The following CACHD1 variants were observed in gnomAD, a reference collection of about 807,000 sequenced individuals.
CACHD1 encodes the protein VWFA and cache domain-containing protein 1.
In CACHD1, 71 loss-of-function variants were observed where a neutral mutation model predicts 138.7. The observed-to-expected ratio is 0.51, with a 90% CI of 0.42 to 0.62. The LOEUF is 0.62. CACHD1 is among the 20% of genes least tolerant of loss of function. CACHD1 has a pLI of 0.00. For missense variants in CACHD1, 1,389 were observed against 1,625.3 expected (o/e 0.85, Z 2.50); for synonymous variants, 578 against 591.5 (o/e 0.98, Z 0.33).
At chr1:64,518,975 C>T (rs1463797583) in intron 1 of CACHD1, among the ~76,000 whole-genome samples, 1 of 152,160 alleles carries the variant, frequency 6.6e-6, no homozygotes, top group Non-Finnish European at 1.5e-5. Context: ...CTTAGTGGTT[C>T]TATCAATATC....
At chr1:64,676,005 A>ATAT (rs1649977265) in intron 21 of CACHD1, 22 bp downstream of exon 21, 1 of 252,542 alleles carries the variant, frequency 4.0e-6, no homozygotes, top group Admixed American at 1.6e-4. Context: ...AATAATAATA[A>ATAT]TAATAATAAT....
chr1:64,476,236 G>A (rs549610944), intron 1 of CACHD1, among the ~76,000 whole-genome samples: 206 of 152,290 alleles, frequency 1.4e-3, no homozygotes, highest in African/African-American at 4.7e-3. Context: ...ACCTGAACAG[G>A]ACTCTGACTC....
Position 64,691,460 on chromosome 1 carries a change from A to G in CACHD1, c.3724A>G (p.Ser1242Gly), listed in dbSNP as rs1335530658. The G allele has an allele frequency of 6.2e-7, 1 of 1,614,052 alleles. No homozygotes were observed. Among genetic ancestry groups the G allele is most frequent in the East Asian group, 2.2e-5 (1 of 44,868 alleles). The change falls in exon 27 of 27, where the codon AGT becomes GGT. Residue 1242 changes from serine to glycine, a missense_variant. By Grantham distance (56) the Ser-to-Gly change is moderately conservative. This residue lies in a region of CACHD1 where 78 missense variants were observed against 76.9 expected (regional missense o/e 1.01). Coordinates refer to ENST00000651257, the MANE Select transcript of CACHD1 (RefSeq NM_020925.4). Reference protein sequence around the residue: ...DTPPQTAALLSHKFHHYRSHH... With the variant: ...DTPPQTAALLGHKFHHYRSHH... ...CCCCCCTCAGACTGCTGCCCTACTA[A>G]GTCACAAGTTCCACCACTACCGGTC...
Position 64,641,886 on chromosome 1 carries a change from A to C in CACHD1, c.1073A>C (p.Lys358Thr), listed in dbSNP as rs1648728189. Reference protein sequence around the residue: ...ITSKDSSEEDKKATLQVINEE... With the variant: ...ITSKDSSEEDTKATLQVINEE... ...TCAAAGGACTCTTCGGAAGAAGATA[A>C]AAAAGCGACTCTCCAAGTCATCAAT... The change falls in exon 8 of 27, where the codon AAA (lysine) becomes ACA (threonine). Residue 358 changes from lysine to threonine, a missense_variant. Around this residue, in one of 5 missense-constraint regions of CACHD1, gnomAD observed 1,000 missense variants for 1,114.7 expected, o/e 0.90. Coordinates refer to ENST00000651257, the MANE Select transcript of CACHD1 (RefSeq NM_020925.4). 1 of 1,607,194 alleles carries C rather than the reference A, an allele frequency of 6.2e-7. No homozygotes were observed.
chr1:64,479,491 A>G (rs562961814), intron 1 of CACHD1, among the ~76,000 whole-genome samples: 2 of 152,288 alleles, frequency 1.3e-5, no homozygotes, highest in South Asian at 4.2e-4. Flanking sequence ...TGATGAGTGG[A>G]AAGATGGCAT....
intron 1 of CACHD1, among the ~76,000 whole-genome samples, chr1:64,493,840 T>G (rs1646291976): frequency 6.6e-6 from 1 of 152,194 alleles, no homozygotes; most frequent in Non-Finnish European, 1.5e-5. Context: ...TCTCATAATC[T>G]CCTTATAGAA....
At chr1:64,513,244 T>A (rs940307353) in intron 1 of CACHD1, among the ~76,000 whole-genome samples, 3 of 152,188 alleles carry the variant, frequency 2.0e-5, no homozygotes, top group African/African-American at 7.2e-5. Context: ...TAACAACCTC[T>A]CTGGCCTCTA....
intron 4 of CACHD1, among the ~76,000 whole-genome samples, chr1:64,627,402 G>A (rs1306070211): frequency 6.6e-6 from 1 of 152,050 alleles, no homozygotes; most frequent in East Asian, 1.9e-4. Flanking sequence ...GTGAGACCCT[G>A]TCTCAAAAAA....
chr1:64,583,471 C>T (rs1647028124), intron 3 of CACHD1, among the ~76,000 whole-genome samples: 1 of 152,178 alleles, frequency 6.6e-6, no homozygotes, highest in South Asian at 2.1e-4. Flanking sequence ...ATAACTAATA[C>T]TCCAGGATGT....
At chr1:64,587,069 A>G (rs1213211307) in intron 3 of CACHD1, among the ~76,000 whole-genome samples, 1 of 152,168 alleles carries the variant, frequency 6.6e-6, no homozygotes, top group East Asian at 1.9e-4. Flanking sequence ...AATCTTCTTC[A>G]TTCTTAAGTC....
chr1:64,561,858 C>A (rs949331707), intron 2 of CACHD1, among the ~76,000 whole-genome samples: 803 of 116,222 alleles, frequency 6.9e-3, no homozygotes, highest in Middle Eastern at 9.3e-3. Flanking sequence ...ACACTGTCTC[C>A]AAAAAAAAAA....
intron 24 of CACHD1, 74 bp downstream of exon 24, chr1:64,679,830 T>C: frequency 6.6e-7 from 1 of 1,518,812 alleles, no homozygotes; most frequent in Non-Finnish European, 8.9e-7. Context: ...TGTAAGCCTC[T>C]AAGGAACTGT....
rs146007854 is a variant in CACHD1 at position 64,675,790 on chromosome 1, A to G, written c.2889-107A>G. ...CTTTGGCTGTAACTTCTTTTTTACT[A>G]TTCTTTTAAACTAGCTCAGAGCTTC... On this transcript the variant is annotated intron_variant, in intron 20 of 26. Coordinates refer to ENST00000651257, the MANE Select transcript of CACHD1 (RefSeq NM_020925.4). The G allele has an allele frequency of 8.5e-4, 643 of 753,900 alleles. 5 individuals are homozygous for G. The African/African-American group carries it at 0.01, about 12-fold the overall frequency. 46.7% of individuals were successfully genotyped at this position (753,900 alleles called of 1,614,324 possible).
intron 1 of CACHD1, among the ~76,000 whole-genome samples, chr1:64,477,624 AT>A (rs869174240): frequency 2.3e-4 from 24 of 104,184 alleles, no homozygotes; most frequent in Admixed American, 3.9e-4. Flanking sequence ...TATTATTATT[AT>A]TTTATTTTAT....
intron 1 of CACHD1, among the ~76,000 whole-genome samples, chr1:64,518,376 G>C (rs1646474211): frequency 6.6e-6 from 1 of 151,964 alleles, no homozygotes; most frequent in Non-Finnish European, 1.5e-5. Flanking sequence ...ATGGTGGTTT[G>C]CTGCACCTAT....
Position 64,658,812 on chromosome 1 carries a change from C to T in CACHD1, c.1890C>T (p.His630=). 6.3e-7 allele frequency: 1 copy of T among 1,596,614 alleles called. No homozygotes were observed. Residue 630 remains histidine, a synonymous_variant, in exon 13 of 27, where the codon CAC becomes CAT. Transcript: ENST00000651257. ...TTCCCAGCAGCAAGCTGCTGTACCA[C>T]CGGCTGGATCTCCTTGGCCAGCCCA... is the stretch of plus-strand genomic sequence containing the variant. The part of the protein sequence containing the change: ...NTVPSSKLLY[H]RLDLLGQPSA...
At chr1:64,533,219 G>C (rs1646603216) in intron 1 of CACHD1, among the ~76,000 whole-genome samples, 4 of 152,208 alleles carry the variant, frequency 2.6e-5, no homozygotes, top group Non-Finnish European at 4.4e-5. Context: ...AGCCGGGCGT[G>C]GTGGTGCAGG....
At position 64,691,629 on chromosome 1, in the gene CACHD1, C is replaced by G; in HGVS notation, c.*68C>G. ...AGAATGTTCTGGAAAGAAAAAGAACCGGCTTAAAACCCACAGCAAGAGACC... is the reference window on the plus strand; with the variant it reads ...AGAATGTTCTGGAAAGAAAAAGAACGGGCTTAAAACCCACAGCAAGAGACC... On this transcript the variant is annotated 3_prime_UTR_variant, in exon 27 of 27. Transcript: ENST00000651257. 1.4e-6 allele frequency: 2 copies of G among 1,445,394 alleles called. No homozygotes were observed. Among genetic ancestry groups the G allele is most frequent in the Non-Finnish European group, 1.9e-6 (2 of 1,036,640 alleles). The allele number at this position is 1,445,394 out of a possible 1,614,324, so 89.5% of individuals were successfully genotyped here. A position where few individuals can be genotyped will look rare whatever the true frequency, so the allele number is the denominator to read the frequency against.
At chr1:64,585,076 T>C (rs1647041512) in intron 3 of CACHD1, among the ~76,000 whole-genome samples, 1 of 152,196 alleles carries the variant, frequency 6.6e-6, no homozygotes, top group Non-Finnish European at 1.5e-5. Flanking sequence ...GAGAAAATTA[T>C]AAATACTCTA....
Sources: gnomAD v4.1 joint callset for allele counts (sites outside exome capture counted in the v4.1 genomes callset) on GRCh38, gnomAD v4.1.1 for gene constraint, gnomAD v4.1.1 regional missense constraint, MANE v1.5 for transcripts, NCBI Gene and HGNC (gene_info 2026-07-23, HGNC 2026-07-21) for gene names.